SNRPN: variants seen among roughly 807,000 people sequenced by gnomAD.
SNRPN encodes the protein small nuclear ribonucleoprotein-associated protein N.
A neutral mutation model predicts 25.2 loss-of-function variants in SNRPN; 7 were observed. The ratio of observed to expected loss-of-function variants is 0.28; its 90% confidence interval spans 0.16 to 0.52. The LOEUF is 0.52. SNRPN is among the 20% of genes least tolerant of loss of function. The pLI, the probability that SNRPN is intolerant of heterozygous loss-of-function variation, is 0.96. For synonymous variants in SNRPN, 124 were observed against 110.6 expected (o/e 1.12, Z -0.76); for missense variants, 196 against 322.5 (o/e 0.61, Z 3.00).
At chr15:24,864,030 TTA>T (rs2054277860) in intron 1 of SNRPN, among the ~76,000 whole-genome samples, 1 of 147,800 alleles carries the variant, frequency 6.8e-6, no homozygotes, top group Admixed American at 6.7e-5. Context: ...TATTTTATTA[TTA>T]TTTTTTTTTT....
intron 1 of SNRPN, among the ~76,000 whole-genome samples, chr15:24,826,493 C>T (rs575264237): frequency 6.6e-6 from 1 of 152,228 alleles, no homozygotes; most frequent in East Asian, 1.9e-4. Flanking sequence ...TTGGTTTTTA[C>T]ATTGGTTAAG....
intron 3 of SNRPN, chr15:24,920,337 C>T (rs1056642129): frequency 6.6e-6 from 1 of 152,114 alleles, no homozygotes; most frequent in African/African-American, 2.4e-5. Context: ...ACAGTGTTTG[C>T]TTTTCTCCGG....
exon 1 of SNRPN, chr15:24,823,846 T>G (rs1315529197): frequency 6.6e-6 from 1 of 152,176 alleles, no homozygotes; most frequent in Non-Finnish European, 1.5e-5. Context: ...ATTGCTTTTT[T>G]GGAGGTGGGG....
intron 3 of SNRPN, among the ~76,000 whole-genome samples, chr15:24,946,675 A>G (rs1369861729): frequency 6.6e-6 from 1 of 152,164 alleles, no homozygotes; most frequent in African/African-American, 2.4e-5. Context: ...TCCCTATGTT[A>G]TGCAGGCTAG....
intron 2 of SNRPN, chr15:24,850,604 T>A (rs1460196550): frequency 6.6e-6 from 1 of 152,286 alleles, no homozygotes; most frequent in Non-Finnish European, 1.5e-5. Context: ...CGTGAGCCAC[T>A]GCACCCGGCC....
chr15:24,877,661 AAC>A (rs72120147), intron 1 of SNRPN, among the ~76,000 whole-genome samples: 2,072 of 144,666 alleles, frequency 0.014, 28 homozygotes, highest in South Asian at 0.027. Flanking sequence ...ATCTCTACAA[AAC>A]ACACACACAC....
chr15:24,953,842 C>G (rs2062472656), upstream of SNRPN, among the ~76,000 whole-genome samples: 1 of 152,122 alleles, frequency 6.6e-6, no homozygotes, highest in Non-Finnish European at 1.5e-5. Flanking sequence ...CCTATCTGTT[C>G]TCTGTGAGGA....
At chr15:24,895,493 A>AC (rs2058033287) in intron 2 of SNRPN, among the ~76,000 whole-genome samples, 2 of 151,832 alleles carry the variant, frequency 1.3e-5, no homozygotes, top group Admixed American at 1.3e-4. Flanking sequence ...CAAACATTTA[A>AC]TTTTGGATGA....
Position 24,909,042 on chromosome 15 carries a change from C to A in SNRPN, c.-504-10969C>A. 6 of 1,428,116 alleles carry A rather than the reference C, an allele frequency of 4.2e-6. No homozygotes were observed. In the South Asian group the frequency reaches 7.0e-5, roughly 17 times the overall value. The allele number at this position is 1,428,116 out of a possible 1,614,324, so 88.5% of individuals were successfully genotyped here. ...GGATGGTTCCACCTCTTCTTTTTAACTTCTTTCTTGGGCTTATTTTCATAG... is the reference window on the plus strand; with the variant it reads ...GGATGGTTCCACCTCTTCTTTTTAAATTCTTTCTTGGGCTTATTTTCATAG... On this transcript the variant is annotated intron_variant, in intron 2 of 11. Coordinates refer to the SNRPN transcript ENST00000400097.
At chr15:24,863,574 A>T (rs976009904) in intron 1 of SNRPN, among the ~76,000 whole-genome samples, 5 of 150,644 alleles carry the variant, frequency 3.3e-5, no homozygotes, top group Non-Finnish European at 7.4e-5. Context: ...TACCACATGT[A>T]CCCTTTCATG....
intron 3 of SNRPN, among the ~76,000 whole-genome samples, chr15:24,940,502 T>A (rs2061486093): frequency 6.6e-6 from 1 of 152,240 alleles, no homozygotes; most frequent in South Asian, 2.1e-4. Flanking sequence ...TTGTTGAAAA[T>A]CATTTGACCA....
chr15:24,850,608 C>T (rs2052729615), intron 2 of SNRPN: 2 of 152,272 alleles, frequency 1.3e-5, no homozygotes, highest in East Asian at 3.9e-4. Flanking sequence ...AGCCACTGCA[C>T]CCGGCCTAAG....
chr15:24,880,160 G>A (rs2056437559), intron 1 of SNRPN, among the ~76,000 whole-genome samples: 1 of 152,168 alleles, frequency 6.6e-6, no homozygotes. Flanking sequence ...GGCAGAGAAA[G>A]GTTTTCCCAC....
chr15:24,940,895 A>G (rs978797658), intron 3 of SNRPN, among the ~76,000 whole-genome samples: 4 of 152,186 alleles, frequency 2.6e-5, no homozygotes, highest in African/African-American at 9.6e-5. Flanking sequence ...GACCCAGGGA[A>G]GAGTTGCGGT....
intron 2 of SNRPN, among the ~76,000 whole-genome samples, chr15:24,905,808 G>A (rs1047057368): frequency 5.3e-5 from 8 of 152,198 alleles, no homozygotes; most frequent in African/African-American, 1.9e-4. Context: ...GGTGAAGTTA[G>A]GAAGGTAGTG....
upstream of SNRPN, among the ~76,000 whole-genome samples, chr15:24,854,343 CT>C (rs1365208130): frequency 2.0e-5 from 3 of 152,126 alleles, no homozygotes; most frequent in Non-Finnish European, 4.4e-5. Flanking sequence ...GCATTTATTT[CT>C]GCAAAAAATG....
At chr15:24,836,521 C>T (rs544029513) in intron 2 of SNRPN, among the ~76,000 whole-genome samples, 1 of 152,062 alleles carries the variant, frequency 6.6e-6, no homozygotes, top group Admixed American at 6.5e-5. Context: ...AAGCGATTCT[C>T]CTGCCTCAGT....
At chr15:24,848,200 A>C (rs1366109741) in intron 2 of SNRPN, among the ~76,000 whole-genome samples, 1 of 100,548 alleles carries the variant, frequency 9.9e-6, no homozygotes, top group Non-Finnish European at 2.2e-5. Context: ...TGGGAAGGTC[A>C]CAGGACGGAG....
chr15:24,939,589 T>C (rs917329375), intron 3 of SNRPN, among the ~76,000 whole-genome samples: 1 of 151,938 alleles, frequency 6.6e-6, no homozygotes, highest in South Asian at 2.1e-4. Flanking sequence ...TGCACCACCA[T>C]GCCTGGTCAA....
Sources: allele counts gnomAD v4.1 joint callset (sites outside exome capture counted in the v4.1 genomes callset), GRCh38; gene constraint gnomAD v4.1.1; transcripts MANE v1.5; gene names NCBI Gene and HGNC (gene_info 2026-07-23, HGNC 2026-07-21).